The following RCOR1 variants were observed in gnomAD, a reference collection of about 807,000 sequenced individuals.
The protein encoded by RCOR1 is REST corepressor.
A neutral mutation model predicts 64.0 loss-of-function variants in RCOR1; 12 were observed. That is an observed-to-expected ratio of 0.19 (90% CI 0.12 to 0.30). RCOR1 has a LOEUF of 0.30. Ranked by LOEUF, RCOR1 falls within the 10% of genes least tolerant of loss-of-function variation. RCOR1 has a pLI of 1.00. For missense variants in RCOR1, 502 were observed against 621.2 expected (o/e 0.81, Z 2.04); for synonymous variants, 279 against 227.2 (o/e 1.23, Z -2.05).
chr14:102,603,098 A>T (rs1360511723), intron 2 of RCOR1, among the ~76,000 whole-genome samples: 2 of 147,624 alleles, frequency 1.4e-5, no homozygotes, highest in Non-Finnish European at 3.0e-5. Flanking sequence ...CCCTTTTTTG[A>T]GATGAGTTCT....
At chr14:102,622,650 A>G (rs1893898019) in intron 2 of RCOR1, among the ~76,000 whole-genome samples, 1 of 151,548 alleles carries the variant, frequency 6.6e-6, no homozygotes, top group Admixed American at 6.6e-5. Flanking sequence ...CCCGCCCCAC[A>G]CATTCTTATT....
At chr14:102,709,943 A>T (rs545131575) in intron 6 of RCOR1, among the ~76,000 whole-genome samples, 5 of 152,276 alleles carry the variant, frequency 3.3e-5, no homozygotes, top group African/African-American at 1.2e-4. Flanking sequence ...CGATGGGGCC[A>T]GGAAGTGCTT....
intron 2 of RCOR1, among the ~76,000 whole-genome samples, chr14:102,608,934 A>G (rs1446073194): frequency 2.0e-5 from 3 of 150,626 alleles, no homozygotes; most frequent in Non-Finnish European, 4.4e-5. Flanking sequence ...TGTTATGTAC[A>G]TTCATGTACA....
intron 2 of RCOR1, among the ~76,000 whole-genome samples, chr14:102,618,131 G>A (rs944172237): frequency 1.2e-4 from 18 of 151,634 alleles, no homozygotes; most frequent in Middle Eastern, 6.8e-3. Flanking sequence ...GCCCCACCAC[G>A]TCTGGCTAAT....
intron 10 of RCOR1, 21 bp downstream of exon 10, chr14:102,721,398 A>C: frequency 6.3e-7 from 1 of 1,594,538 alleles, no homozygotes; most frequent in Non-Finnish European, 8.6e-7. Flanking sequence ...GTTCTTCTAA[A>C]GAGTTTAGGA....
intron 2 of RCOR1, among the ~76,000 whole-genome samples, chr14:102,669,380 T>C (rs1418729991): frequency 6.6e-6 from 1 of 152,142 alleles, no homozygotes; most frequent in Non-Finnish European, 1.5e-5. Context: ...CTTCCTCATT[T>C]TATAGAGAGT....
intron 2 of RCOR1, among the ~76,000 whole-genome samples, chr14:102,673,525 C>T (rs893650083): frequency 9.2e-5 from 14 of 151,654 alleles, no homozygotes; most frequent in African/African-American, 2.7e-4. Context: ...TTAGTAGAGA[C>T]GGGGTTTCAC....
In RCOR1 at chr14:102,700,948, C is replaced by T. The variant is rs543038208; in HGVS notation, c.446-330C>T. ...AATCATGGTAGAAAGCGAGGAGGAG[C>T]GAGGAGCAAGTCATATTTTACATGG... is the stretch of plus-strand genomic sequence containing the variant. On this transcript the variant is annotated intron_variant, in intron 3 of 11. Transcript: ENST00000262241. Among the ~76,000 whole-genome samples, 37 of 152,240 alleles carry T rather than the reference C, an allele frequency of 2.4e-4. No homozygotes were observed. The South Asian group carries it at 4.6e-3, about 19-fold the overall frequency.
Position 102,730,488 on chromosome 14 carries a change from T to C in RCOR1, c.*3982T>C, listed in dbSNP as rs931119150. The stretch of plus-strand genomic sequence containing the variant: ...ATTGGAAAATTTATTTGTGAAATTC[T>C]GCAGAATTCATTTTTCTATTTCCAA... On this transcript the variant is annotated 3_prime_UTR_variant, in exon 12 of 12. Coordinates refer to ENST00000262241, the MANE Select transcript of RCOR1 (RefSeq NM_015156.4). The C allele has an allele frequency of 6.5e-6, 1 of 153,248 alleles. No individual in the cohort carries two copies. The allele number at this position is 153,248 out of a possible 1,614,324, so 9.5% of individuals were successfully genotyped here.
At chr14:102,719,253 T>C (rs1228793605) in intron 8 of RCOR1, among the ~76,000 whole-genome samples, 1 of 152,154 alleles carries the variant, frequency 6.6e-6, no homozygotes, top group African/African-American at 2.4e-5. Flanking sequence ...TTCTTCTTCT[T>C]CTTTTTTTAA....
At chr14:102,704,775 T>G (rs969013920) in intron 4 of RCOR1, among the ~76,000 whole-genome samples, 18 of 152,132 alleles carry the variant, frequency 1.2e-4, no homozygotes, top group African/African-American at 4.3e-4. Flanking sequence ...CCACATGTGG[T>G]CATCAGAAAT....
intron 2 of RCOR1, among the ~76,000 whole-genome samples, chr14:102,607,940 C>T (rs1373309370): frequency 1.3e-5 from 2 of 152,052 alleles, no homozygotes; most frequent in Non-Finnish European, 2.9e-5. Flanking sequence ...CCTCTAATCC[C>T]AGCTACTTGG....
intron 2 of RCOR1, among the ~76,000 whole-genome samples, chr14:102,647,464 G>C (rs1357003880): frequency 1.3e-5 from 2 of 151,948 alleles, no homozygotes; most frequent in East Asian, 3.9e-4. Context: ...TTACAGGTGT[G>C]GACCACCATG....
chr14:102,612,437 G>T (rs1437982681), intron 2 of RCOR1, among the ~76,000 whole-genome samples: 1 of 152,076 alleles, frequency 6.6e-6, no homozygotes, highest in African/African-American at 2.4e-5. Flanking sequence ...GCTCTTAAGC[G>T]ATCTGCCCGC....
At chr14:102,710,708 G>A (rs764913316) in intron 6 of RCOR1, 4 of 498,188 alleles carry the variant, frequency 8.0e-6, no homozygotes, top group Non-Finnish European at 1.4e-5. Flanking sequence ...ATCTATTTTA[G>A]TAGTTTCTCA....
intron 2 of RCOR1, chr14:102,649,935 C>T (rs1211512582): frequency 4.3e-6 from 1 of 230,564 alleles, no homozygotes; most frequent in Non-Finnish European, 7.1e-6. Context: ...CGCGGTGGCT[C>T]ACACCTGTAA....
At chr14:102,666,231 A>T (rs1468163276) in intron 2 of RCOR1, among the ~76,000 whole-genome samples, 1 of 152,184 alleles carries the variant, frequency 6.6e-6, no homozygotes, top group African/African-American at 2.4e-5. Context: ...CCTGAGGGTG[A>T]GACATAGGTT....
intron 2 of RCOR1, among the ~76,000 whole-genome samples, chr14:102,666,723 G>A (rs9943976): frequency 0.15 from 22,738 of 152,068 alleles, 2,307 homozygotes; most frequent in African/African-American, 0.28. Flanking sequence ...TCTCATTATT[G>A]TACTAAGGTT....
At chr14:102,725,345 C>T (rs775215531) in intron 11 of RCOR1, among the ~76,000 whole-genome samples, 8 of 152,168 alleles carry the variant, frequency 5.3e-5, no homozygotes, top group Non-Finnish European at 1.2e-4. Flanking sequence ...AGCAGTAAGA[C>T]GCTATGCAGC....
Sources: gnomAD v4.1 joint callset for allele counts (sites outside exome capture counted in the v4.1 genomes callset) on GRCh38, gnomAD v4.1.1 for gene constraint, MANE v1.5 for transcripts, NCBI Gene and HGNC (gene_info 2026-07-23, HGNC 2026-07-21) for gene names.